JMY: variants seen among roughly 807,000 people sequenced by gnomAD.
JMY encodes the protein junction mediating and regulatory protein, p53 cofactor.
JMY carries 46 observed loss-of-function variants against 103.3 expected under a neutral mutation model. The ratio of observed to expected loss-of-function variants is 0.45; its 90% CI spans 0.35 to 0.57. The LOEUF (loss-of-function observed/expected upper bound fraction) is 0.57, where lower values mean the gene tolerates loss of function less well. JMY is among the 20% of genes least tolerant of loss of function. The probability of loss-of-function intolerance (pLI) is 0.00; values close to 1 mark genes in which losing one functional copy is unlikely to be tolerated. For synonymous variants in JMY, 526 were observed against 489.3 expected, an observed-to-expected ratio of 1.07 and a Z score of -0.99; for missense variants, 1,238 against 1,255.2, an observed-to-expected ratio of 0.99 and a Z score of 0.21.
chr5:79,281,010 GA>G (rs922193185), intron 2 of JMY, among the ~76,000 whole-genome samples: 3 of 149,978 alleles, frequency 2.0e-5, no homozygotes, highest in East Asian at 1.9e-4. Context: ...ATTAGTAATA[GA>G]AAAAAAGAAA....
In JMY at chr5:79,314,337, T is replaced by G; in HGVS notation, c.2145T>G (p.Val715=). 6.2e-7 allele frequency: 1 copy of G among 1,614,192 alleles called. No individual in the cohort carries two copies. Among genetic ancestry groups the G allele is most frequent in the Non-Finnish European group, 8.5e-7 (1 of 1,180,038 alleles). Residue 715 remains valine, a synonymous_variant, in exon 9 of 11, where the codon GTT becomes GTG. Coordinates refer to ENST00000396137, the MANE Select transcript of JMY (RefSeq NM_152405.5). Reference sequence around the variant, plus strand: ...GAAGAAAAGGTGCAGCAAGTCCTGTTCTCCAAGAGGATCATTGTGACTCTT... The same window carrying G: ...GAAGAAAAGGTGCAGCAAGTCCTGTGCTCCAAGAGGATCATTGTGACTCTT... ...HARRKGAASP[V]LQEDHCDSLP... is the part of the protein sequence containing the mutation.
rs114347940 is a variant in JMY at position 79,296,510 on chromosome 5, C to T, written c.1528-3643C>T. ...TGACCCTTTAAAAAAAAGATATAGCCTTGCCCTGTCACCGATGCTGGAGTG... is the reference window on the plus strand; with the variant it reads ...TGACCCTTTAAAAAAAAGATATAGCTTTGCCCTGTCACCGATGCTGGAGTG... On this transcript the variant is annotated intron_variant, in intron 4 of 10. Transcript: ENST00000396137. 5.0e-3 allele frequency among the ~76,000 whole-genome samples: 760 copies of T among 152,322 alleles called. 4 individuals carry two copies. The highest frequency in any genetic ancestry group is 0.017 in the African/African-American group (715 of 41,568).
Position 79,322,271 on chromosome 5 carries a change from A to G in JMY, c.*669A>G, listed in dbSNP as rs568160476. The G allele has an allele frequency of 6.6e-6, 1 of 152,312 alleles. No individual in the cohort carries two copies. The highest frequency in any genetic ancestry group is 2.4e-5 in the African/African-American group (1 of 41,580). 9.4% of individuals were successfully genotyped at this position (152,312 alleles called of 1,614,324 possible). Reference sequence around the variant, plus strand: ...CATGGCATATTTTTAGGAGTCTTATACTTTGTAAGGTTTTGAAGTTTCCGT... The same window carrying G: ...CATGGCATATTTTTAGGAGTCTTATGCTTTGTAAGGTTTTGAAGTTTCCGT... On this transcript the variant is annotated 3_prime_UTR_variant, in exon 11 of 11. Coordinates refer to ENST00000396137, the MANE Select transcript of JMY (RefSeq NM_152405.5).
chr5:79,270,230 A>G (rs1199181853), intron 1 of JMY, among the ~76,000 whole-genome samples: 1 of 150,674 alleles, frequency 6.6e-6, no homozygotes, highest in African/African-American at 2.4e-5. Flanking sequence ...TTGCCTCATC[A>G]TAGTGGGAAC....
rs189494300 is a variant in JMY at position 79,281,296 on chromosome 5, G to A, written c.1206+3213G>A. On this transcript the variant is annotated intron_variant, in intron 2 of 10. Transcript: ENST00000396137. Reference sequence around the variant, plus strand: ...CCTGACCTCGTGATCCACCCACCTCGGCCTCCCAAAGTGCTGGGATTACAG... The same window carrying A: ...CCTGACCTCGTGATCCACCCACCTCAGCCTCCCAAAGTGCTGGGATTACAG... Among the ~76,000 whole-genome samples the A allele has an allele frequency of 4.2e-4, 64 of 150,844 alleles. No homozygotes were observed. In the East Asian group the frequency reaches 9.3e-3, roughly 22 times the overall value.
intron 1 of JMY, among the ~76,000 whole-genome samples, chr5:79,266,614 T>A (rs1745594651): frequency 6.6e-6 from 1 of 152,230 alleles, no homozygotes; most frequent in African/African-American, 2.4e-5. Context: ...TCCAACTGTT[T>A]TGAAATAAAC....
intron 5 of JMY, 35 bp from the exon 6 acceptor site, chr5:79,300,641 C>T: frequency 4.6e-6 from 7 of 1,529,182 alleles, no homozygotes; most frequent in Non-Finnish European, 6.2e-6. Context: ...AGCCCATATT[C>T]TTTACCACTA....
At chr5:79,253,458 G>C (rs558451006) in intron 1 of JMY, among the ~76,000 whole-genome samples, 4 of 151,874 alleles carry the variant, frequency 2.6e-5, no homozygotes, top group African/African-American at 9.7e-5. Flanking sequence ...AAGCCCAGCT[G>C]GTTTTTTGTG....
At chr5:79,244,006 C>CTTT (rs1186953156) in intron 1 of JMY, among the ~76,000 whole-genome samples, 1 of 141,350 alleles carries the variant, frequency 7.1e-6, no homozygotes, top group African/African-American at 2.6e-5. Flanking sequence ...TCTTTTTTTC[C>CTTT]TTTTTTTTTT....
chr5:79,264,601 T>C (rs1745525735), intron 1 of JMY, among the ~76,000 whole-genome samples: 1 of 152,124 alleles, frequency 6.6e-6, no homozygotes, highest in South Asian at 2.1e-4. Context: ...GTTAATATAA[T>C]TTTAATGGCC....
chr5:79,306,320 T>C (rs1205370493), intron 6 of JMY, 55 bp from the exon 7 acceptor site: 2 of 1,211,472 alleles, frequency 1.7e-6, no homozygotes, highest in African/African-American at 3.0e-5. Flanking sequence ...CTTGGTGTGG[T>C]GTTCAGAGTC....
chr5:79,318,322 A>G (rs1022981563), intron 10 of JMY, among the ~76,000 whole-genome samples: 16 of 152,214 alleles, frequency 1.1e-4, no homozygotes, highest in Admixed American at 2.0e-4. Flanking sequence ...GCCCAAAAAA[A>G]AGAATTCTGA....
At position 79,316,023 on chromosome 5, in the gene JMY, C is replaced by T. The variant is rs1379027114; in HGVS notation, c.2683C>T (p.Leu895=). The change falls in exon 10 of 11, where the codon CTA becomes TTA. Residue 895 remains leucine, a synonymous_variant. Coordinates refer to ENST00000396137, the MANE Select transcript of JMY (RefSeq NM_152405.5). ...RRVSSPMDEV[L]ASLKRGSFHL... ...AGTGAGCTCACCCATGGATGAGGTG[C>T]TAGCCTCCTTGAAGCGTGGTAGTTT... The T allele has an allele frequency of 1.2e-6, 2 of 1,613,974 alleles. No individual in the cohort carries two copies. The highest frequency in any genetic ancestry group is 2.7e-5 in the African/African-American group (2 of 74,932).
intron 7 of JMY, among the ~76,000 whole-genome samples, chr5:79,311,941 C>T (rs1008858972): frequency 1.3e-5 from 2 of 152,062 alleles, no homozygotes; most frequent in African/African-American, 4.8e-5. Context: ...CTCAGCCTCC[C>T]AAGTAGCTGG....
intron 1 of JMY, among the ~76,000 whole-genome samples, chr5:79,252,838 A>G (rs1440712288): frequency 6.6e-6 from 1 of 152,192 alleles, no homozygotes; most frequent in Admixed American, 6.5e-5. Flanking sequence ...TGTTTCTTGT[A>G]GGTAACAGAT....
Position 79,270,521 on chromosome 5 carries a change from A to G in JMY, c.1033-7389A>G, listed in dbSNP as rs1230427094. Among the ~76,000 whole-genome samples, 80 of 87,536 alleles carry G rather than the reference A, an allele frequency of 9.1e-4. 8 individuals are homozygous for G. The highest frequency in any genetic ancestry group is 2.8e-3 in the African/African-American group (76 of 27,450). 57.4% of individuals were successfully genotyped at this position (87,536 alleles called of 152,430 possible). On this transcript the variant is annotated intron_variant, in intron 1 of 10. Transcript: ENST00000396137. ...ATATATATTTACATAAATATTTAAA[A>G]TATATATTTACATAAATATTTAAAA...
In JMY at chr5:79,314,914, T is replaced by C. The variant is rs148264341; in HGVS notation, c.2659+63T>C. ...ACATCAGGCATAGTAAAAAACTATA[T>C]TTTTTGACGTTGCAAAGCTTAAAAC... On this transcript the variant is annotated intron_variant, in intron 9 of 10. Transcript: ENST00000396137. 21 of 1,406,524 alleles carry C rather than the reference T, an allele frequency of 1.5e-5. No individual in the cohort carries two copies. In the African/African-American group the frequency reaches 2.6e-4, roughly 17 times the overall value. 87.1% of individuals were successfully genotyped at this position (1,406,524 alleles called of 1,614,324 possible).
intron 1 of JMY, among the ~76,000 whole-genome samples, chr5:79,251,894 C>T (rs1427021261): frequency 1.3e-5 from 2 of 152,190 alleles, no homozygotes; most frequent in African/African-American, 4.8e-5. Flanking sequence ...TCTGCCTCAG[C>T]CTCCCGAGTA....
At chr5:79,282,224 T>A (rs1429252938) in intron 2 of JMY, among the ~76,000 whole-genome samples, 3 of 151,706 alleles carry the variant, frequency 2.0e-5, no homozygotes, top group Non-Finnish European at 2.9e-5. Context: ...AAAAAAAAAA[T>A]AAGAAATTCT....
Sources: gnomAD v4.1 joint callset for allele counts (sites outside exome capture counted in the v4.1 genomes callset) on GRCh38, gnomAD v4.1.1 for gene constraint, MANE v1.5 for transcripts, NCBI Gene and HGNC (gene_info 2026-07-23, HGNC 2026-07-21) for gene names.